The following NRXN1 variants were observed in gnomAD, a reference collection of about 807,000 sequenced individuals.
NRXN1 encodes the protein neurexin 1, also known as neurexin-1.
NRXN1 carries 39 observed loss-of-function variants against 150.9 expected under a neutral mutation model. The ratio of observed to expected loss-of-function variants is 0.26; its 90% CI spans 0.20 to 0.34. The LOEUF (loss-of-function observed/expected upper bound fraction) is 0.34, where lower values mean the gene tolerates loss of function less well. Ranked by LOEUF, NRXN1 falls within the 10% of genes least tolerant of loss-of-function variation. The pLI, the probability that NRXN1 is intolerant of heterozygous loss-of-function variation, is 1.00. For missense variants in NRXN1, 1,815 were observed against 1,949.9 expected (o/e 0.93, Z 1.30); for synonymous variants, 924 against 757.0 (o/e 1.22, Z -3.62).
intron 18 of NRXN1, among the ~76,000 whole-genome samples, chr2:50,122,796 A>T (rs986253217): frequency 6.6e-6 from 1 of 152,206 alleles, no homozygotes; most frequent in Non-Finnish European, 1.5e-5. Flanking sequence ...ACAATAAATT[A>T]TCAAGTAATC....
chr2:50,543,926 C>T (rs182315880), intron 9 of NRXN1, among the ~76,000 whole-genome samples: 100 of 152,078 alleles, frequency 6.6e-4, no homozygotes, highest in African/African-American at 2.4e-3. Flanking sequence ...TGAGAAAATC[C>T]GATGTTCCAG....
intron 17 of NRXN1, among the ~76,000 whole-genome samples, chr2:50,349,738 A>C (rs771096344): frequency 7.9e-5 from 12 of 152,216 alleles, no homozygotes; most frequent in Non-Finnish European, 1.6e-4. Context: ...CTGCTCCCTG[A>C]CATGAAGGCG....
chr2:50,479,892 G>A (rs1442738870), intron 15 of NRXN1, among the ~76,000 whole-genome samples: 2 of 144,598 alleles, frequency 1.4e-5, no homozygotes, highest in African/African-American at 5.1e-5. Context: ...TCCTGCCTCA[G>A]CCTCCAGAGT....
At position 50,346,086 on chromosome 2, in the gene NRXN1, C is replaced by T. The variant is rs1365203813; in HGVS notation, c.3365-109116G>A. On this transcript the variant is annotated intron_variant, in intron 17 of 22. Coordinates refer to ENST00000401669, the MANE Select transcript of NRXN1 (RefSeq NM_001330078.2). The surrounding 1 kb of genome is among the most constrained non-coding windows in gnomAD (Gnocchi z 5.0). ...CTGGCCCGCATTAAAGGGGATGACT[C>T]GGTTGCCCTCCTAGCTTTTCTAATT... Among the ~76,000 whole-genome samples, 1 of 152,174 alleles carries T rather than the reference C, an allele frequency of 6.6e-6. No individual in the cohort carries two copies. The highest frequency in any genetic ancestry group is 2.4e-5 in the African/African-American group (1 of 41,458).
At chr2:50,673,031 A>G (rs1243295371) in intron 5 of NRXN1, among the ~76,000 whole-genome samples, 1 of 152,114 alleles carries the variant, frequency 6.6e-6, no homozygotes, top group Non-Finnish European at 1.5e-5. Context: ...ACCTGAACAT[A>G]TCTGCATATA....
chr2:51,006,644 A>G (rs1700764123), intron 2 of NRXN1, among the ~76,000 whole-genome samples: 1 of 151,966 alleles, frequency 6.6e-6, no homozygotes, highest in Admixed American at 6.6e-5. Flanking sequence ...CATACTCAAA[A>G]GGTAAGCTCC....
At chr2:50,198,863 T>C (rs1472835916) in intron 18 of NRXN1, among the ~76,000 whole-genome samples, 1 of 152,120 alleles carries the variant, frequency 6.6e-6, no homozygotes, top group African/African-American at 2.4e-5. Context: ...AGTATTTATA[T>C]TAATGAACTT....
At chr2:50,020,906 C>G (rs976133997) in intron 21 of NRXN1, among the ~76,000 whole-genome samples, 6 of 152,146 alleles carry the variant, frequency 3.9e-5, no homozygotes, top group Non-Finnish European at 8.8e-5. Context: ...TAATCCTTCT[C>G]AATTTTTCTA....
chr2:49,982,795 A>C (rs773233031), intron 21 of NRXN1, among the ~76,000 whole-genome samples: 7 of 151,994 alleles, frequency 4.6e-5, no homozygotes, highest in Non-Finnish European at 1.0e-4. Flanking sequence ...GTAAATAACA[A>C]TTTTCTTCCT....
intron 15 of NRXN1, among the ~76,000 whole-genome samples, chr2:50,480,572 G>C (rs1331405156): frequency 6.6e-6 from 1 of 152,078 alleles, no homozygotes; most frequent in Non-Finnish European, 1.5e-5. Context: ...TGGACCCTTA[G>C]TGCTCTGCTC....
intron 19 of NRXN1, among the ~76,000 whole-genome samples, chr2:50,066,151 C>A (rs746674150): frequency 6.6e-6 from 1 of 152,042 alleles, no homozygotes; most frequent in Non-Finnish European, 1.5e-5. Context: ...TAGTATAGCT[C>A]GGCTAGATGT....
chr2:50,991,830 T>C (rs1698587761), intron 2 of NRXN1, among the ~76,000 whole-genome samples: 1 of 152,056 alleles, frequency 6.6e-6, no homozygotes, highest in Non-Finnish European at 1.5e-5. Flanking sequence ...AGCTTTTTAT[T>C]GTTAACTCCA....
At chr2:50,965,771 A>C (rs1693969797) in intron 2 of NRXN1, among the ~76,000 whole-genome samples, 1 of 151,578 alleles carries the variant, frequency 6.6e-6, no homozygotes, top group Non-Finnish European at 1.5e-5. Context: ...AAAAGAAATA[A>C]AGAAAACATT....
At chr2:50,786,356 C>T (rs775162800) in intron 5 of NRXN1, among the ~76,000 whole-genome samples, 7 of 151,952 alleles carry the variant, frequency 4.6e-5, no homozygotes, top group Non-Finnish European at 1.0e-4. Flanking sequence ...AGTTTAAATG[C>T]CAGTCTATAA....
intron 17 of NRXN1, among the ~76,000 whole-genome samples, chr2:50,385,902 T>C: frequency 6.6e-6 from 1 of 152,092 alleles, no homozygotes; most frequent in East Asian, 1.9e-4. Context: ...TTATTAAATG[T>C]ATGTAAATAA....
At chr2:51,025,852 T>C (rs1670360673) in intron 2 of NRXN1, among the ~76,000 whole-genome samples, 1 of 152,216 alleles carries the variant, frequency 6.6e-6, no homozygotes, top group Non-Finnish European at 1.5e-5. Flanking sequence ...TGAAGTGCTG[T>C]ATAGGCCATG....
intron 1 of NRXN1, among the ~76,000 whole-genome samples, chr2:51,030,464 G>A (rs921043214): frequency 6.6e-6 from 1 of 151,752 alleles, no homozygotes; most frequent in Non-Finnish European, 1.5e-5. Context: ...TGTCAGCTGA[G>A]AGCCACCAAG....
At chr2:50,566,446 G>A (rs1487853269) in intron 8 of NRXN1, among the ~76,000 whole-genome samples, 2 of 148,122 alleles carry the variant, frequency 1.4e-5, no homozygotes, top group Non-Finnish European at 3.0e-5. Flanking sequence ...ATAGATACAG[G>A]GTTTCGCTAT....
intron 17 of NRXN1, among the ~76,000 whole-genome samples, chr2:50,352,730 C>T (rs962452505): frequency 3.4e-5 from 5 of 145,890 alleles, no homozygotes; most frequent in African/African-American, 1.3e-4. Flanking sequence ...AGAGTAAGAT[C>T]AGAAAATGAG....
Sources: allele counts gnomAD v4.1 joint callset (sites outside exome capture counted in the v4.1 genomes callset), GRCh38; gene constraint gnomAD v4.1.1; non-coding constraint Gnocchi (gnomAD v3.1); transcripts MANE v1.5; gene names NCBI Gene and HGNC (gene_info 2026-07-23, HGNC 2026-07-21).